The following ATP5PD variants were observed in gnomAD, a reference collection of about 807,000 sequenced individuals.
ATP5PD encodes the protein ATP synthase peripheral stalk subunit d, mitochondrial.
Under a neutral mutation model 22.6 loss-of-function variants are expected in ATP5PD, and 13 were observed. The observed-to-expected ratio is 0.58, with a 90% CI of 0.37 to 0.91. The LOEUF is 0.91. Ranked by LOEUF, ATP5PD falls within the 40% of genes least tolerant of loss-of-function variation. ATP5PD has a pLI of 0.00. For synonymous variants in ATP5PD, 51 were observed against 65.0 expected (o/e 0.79, Z 1.03); for missense variants, 165 against 188.0 (o/e 0.88, Z 0.72).
chr17:75,043,569 C>T (rs1461685175), intron 1 of ATP5PD, among the ~76,000 whole-genome samples: 4 of 149,078 alleles, frequency 2.7e-5, no homozygotes, highest in African/African-American at 9.9e-5. Context: ...GCTGAGATAG[C>T]GCCATTGCAC....
At chr17:75,045,016 C>T (rs2073198988) in intron 1 of ATP5PD, among the ~76,000 whole-genome samples, 1 of 152,106 alleles carries the variant, frequency 6.6e-6, no homozygotes, top group Non-Finnish European at 1.5e-5. Flanking sequence ...GGGAACTTGC[C>T]CCGATAGTCA....
In ATP5PD at chr17:75,038,883, T is replaced by C; in HGVS notation, c.*49A>G. 6.4e-7 allele frequency: 1 copy of C among 1,562,824 alleles called. No homozygotes were observed. The highest frequency in any genetic ancestry group is 8.7e-7 in the Non-Finnish European group (1 of 1,153,808). On this transcript the variant is annotated 3_prime_UTR_variant, in exon 6 of 6. Coordinates refer to ENST00000301587, the MANE Select transcript of ATP5PD (RefSeq NM_006356.3). ...AGAACTGTATAATTATTATTTTTAA[T>C]GTCCAGAATGTGTAATACAAGGGCC... is the stretch of plus-strand genomic sequence containing the variant.
chr17:75,040,965 C>T (rs974647069), intron 3 of ATP5PD: 1 of 151,692 alleles, frequency 6.6e-6, no homozygotes, highest in African/African-American at 2.4e-5. Context: ...CCTCCATACA[C>T]ATCTTTGAAT....
intron 1 of ATP5PD, among the ~76,000 whole-genome samples, chr17:75,046,118 T>C (rs755055591): frequency 4.6e-5 from 7 of 152,202 alleles, no homozygotes; most frequent in Non-Finnish European, 8.8e-5. Flanking sequence ...AGTCTCGCAC[T>C]GTCGCCTGGG....
At chr17:75,040,350 T>C in intron 3 of ATP5PD, 187 bp from the exon 4 acceptor site, 1 of 644,010 alleles carries the variant, frequency 1.6e-6, no homozygotes, top group Non-Finnish European at 2.8e-6. Flanking sequence ...AGAAAGAATA[T>C]TAGACTGGGA....
At position 75,039,046 on chromosome 17, in the gene ATP5PD, G is replaced by GT. The variant is rs1490077334; in HGVS notation, c.371dup (p.Asn124LysfsTer6). ...TGGTCATCTGATCAAATGGAATTAA[G>GT]TTCTTCATCTTCTCCATCTGGAAAG... is the stretch of plus-strand genomic sequence containing the variant. On this transcript the variant is annotated frameshift_variant, in exon 6 of 6. Coordinates refer to ENST00000301587, the MANE Select transcript of ATP5PD (RefSeq NM_006356.3). LOFTEE classifies it high-confidence loss of function. 2 of 1,614,042 alleles carry GT rather than the reference G, an allele frequency of 1.2e-6. No individual in the cohort carries two copies. The highest frequency in any genetic ancestry group is 1.7e-5 in the Admixed American group (1 of 59,970).
At chr17:75,042,100 T>G (rs2073167071) in intron 3 of ATP5PD, 81 bp downstream of exon 3, 2 of 1,223,556 alleles carry the variant, frequency 1.6e-6, no homozygotes, top group East Asian at 4.8e-5. Flanking sequence ...GCTGTCATGC[T>G]GTGTATGTAA....
chr17:75,042,300 G>T (rs2073169651), intron 2 of ATP5PD, 23 bp from the exon 3 acceptor site: 1 of 1,611,036 alleles, frequency 6.2e-7, no homozygotes, highest in Non-Finnish European at 8.5e-7. Flanking sequence ...AAAGGCAAAA[G>T]TTAGGATTGT....
chr17:75,042,561 G>T lies in ATP5PD; in HGVS notation c.90C>A (p.Ser30=). 1.2e-6 allele frequency: 2 copies of T among 1,612,560 alleles called. No homozygotes were observed. The highest frequency in any genetic ancestry group is 8.5e-7 in the Non-Finnish European group (1 of 1,179,850). The change falls in exon 2 of 6, where the codon TCC becomes TCA. Residue 30 remains serine, a synonymous_variant. Transcript: ENST00000301587. ...TGAGGGTCTCATTCCAGGATTTCAG[G>T]GAACTAGCAATGGCCTTTTGGTTCT... ...IPQNQKAIAS[S]LKSWNETLTS...
chr17:75,043,082 C>T (rs1007047546), intron 1 of ATP5PD, among the ~76,000 whole-genome samples: 2 of 151,522 alleles, frequency 1.3e-5, no homozygotes, highest in Non-Finnish European at 1.5e-5. Context: ...ATTAGCCAGC[C>T]GTGGTGGCCC....
Position 75,043,427 on chromosome 17 carries a change from T to C in ATP5PD, c.-9-768A>G, listed in dbSNP as rs2073180365. On this transcript the variant is annotated intron_variant, in intron 1 of 5. Coordinates refer to ENST00000301587, the MANE Select transcript of ATP5PD (RefSeq NM_006356.3). ...AGGAGTTCAAGACCAGCCTGAGCAATAGGGTGAAACCCTGCCTCTACTAAA... is the reference window on the plus strand; with the variant it reads ...AGGAGTTCAAGACCAGCCTGAGCAACAGGGTGAAACCCTGCCTCTACTAAA... Among the ~76,000 whole-genome samples the C allele has an allele frequency of 3.9e-5, 6 of 152,066 alleles. No individual in the cohort carries two copies. In the South Asian group the frequency reaches 1.0e-3, roughly 26 times the overall value.
At chr17:75,043,467 G>A (rs1354189681) in intron 1 of ATP5PD, among the ~76,000 whole-genome samples, 1 of 152,068 alleles carries the variant, frequency 6.6e-6, no homozygotes, top group Admixed American at 6.6e-5. Context: ...ACAAAAATTA[G>A]CCGGGCGTGA....
At chr17:75,046,756 G>A (rs1249992222) in intron 1 of ATP5PD, among the ~76,000 whole-genome samples, 169 bp downstream of exon 1, 1 of 152,240 alleles carries the variant, frequency 6.6e-6, no homozygotes, top group Non-Finnish European at 1.5e-5. Flanking sequence ...GCTGAGGAAG[G>A]GATCGCGGGG....
intron 3 of ATP5PD, chr17:75,041,337 A>G (rs1379423692): frequency 6.8e-6 from 1 of 146,720 alleles, no homozygotes; most frequent in African/African-American, 2.5e-5. Context: ...CCTGAGTGAC[A>G]GAGTGAGACT....
rs1353972491 is a variant in ATP5PD, at chr17:75,042,248, G to C, written c.152C>G (p.Ala51Gly). The C allele has an allele frequency of 6.2e-7, 1 of 1,614,074 alleles. No homozygotes were observed. Among genetic ancestry groups the C allele is most frequent in the African/African-American group, 1.3e-5 (1 of 74,934 alleles). ...GGCCTTGTAGTAAGCCCAGTCGATA[G>C]CTGGTGGATTCTCAGGTAAAGCAGC... Reference protein sequence around the residue: ...RLAALPENPPAIDWAYYKANV... With the variant: ...RLAALPENPPGIDWAYYKANV... The change falls in exon 3 of 6, where the codon GCT becomes GGT. Residue 51 changes from alanine (A) to glycine (G), a missense_variant. Physicochemically the swap from Ala to Gly is moderately conservative, Grantham distance 60. Coordinates refer to ENST00000301587, the MANE Select transcript of ATP5PD (RefSeq NM_006356.3).
Position 75,044,221 on chromosome 17 carries a change from CGG to C in ATP5PD, c.-9-1564_-9-1563del, listed in dbSNP as rs1254888745. On this transcript the variant is annotated intron_variant, in intron 1 of 5. Coordinates refer to ENST00000301587, the MANE Select transcript of ATP5PD (RefSeq NM_006356.3). ...TGTATTTTTTTTTTTTTTTTTGAGA[CGG>C]AGTCTCGCTCTGTCGCCCAGGCCGG... is the stretch of plus-strand genomic sequence containing the variant. 7.5e-3 allele frequency among the ~76,000 whole-genome samples: 814 copies of C among 108,292 alleles called. 66 individuals carry two copies. The highest frequency in any genetic ancestry group is 0.024 in the African/African-American group (335 of 14,104). 71.0% of individuals were successfully genotyped at this position (108,292 alleles called of 152,430 possible).
At chr17:75,039,175 C>T (rs1325784410) in intron 5 of ATP5PD, 34 bp downstream of exon 5, 4 of 1,613,358 alleles carry the variant, frequency 2.5e-6, no homozygotes, top group Non-Finnish European at 3.4e-6. Flanking sequence ...AGAGAGAACC[C>T]ATATTATAGG....
intron 1 of ATP5PD, among the ~76,000 whole-genome samples, chr17:75,044,157 T>A (rs2073188790): frequency 6.7e-6 from 1 of 149,704 alleles, no homozygotes; most frequent in South Asian, 2.1e-4. Flanking sequence ...CCGGAGTAGC[T>A]GGGATTACAG....
intron 1 of ATP5PD, among the ~76,000 whole-genome samples, chr17:75,044,990 A>T (rs1344713739): frequency 2.0e-5 from 3 of 151,970 alleles, no homozygotes; most frequent in Non-Finnish European, 4.4e-5. Context: ...AGACTTTCCC[A>T]AACATCAGTG....
Sources: gnomAD v4.1 joint callset for allele counts (sites outside exome capture counted in the v4.1 genomes callset) on GRCh38, gnomAD v4.1.1 for gene constraint, MANE v1.5 for transcripts, NCBI Gene and HGNC (gene_info 2026-07-23, HGNC 2026-07-21) for gene names.